Variants in MMP27 observed in about 807,000 individuals in gnomAD.
The protein encoded by MMP27 is matrix metallopeptidase 27, also known as matrix metalloproteinase-27.
A neutral mutation model predicts 48.1 loss-of-function variants in MMP27; 51 were observed. The ratio of observed to expected loss-of-function variants is 1.06; its 90% CI spans 0.85 to 1.34. MMP27 has a LOEUF of 1.34. Among genes scored for constraint, MMP27 ranks in the 40% most tolerant of loss-of-function variants. The probability of loss-of-function intolerance (pLI) is 0.00; values close to 1 mark genes in which losing one functional copy is unlikely to be tolerated. For synonymous variants in MMP27, 229 were observed against 208.9 expected, an observed-to-expected ratio of 1.10 and a Z score of -0.83; for missense variants, 698 against 619.3, an observed-to-expected ratio of 1.13 and a Z score of -1.35.
intron 9 of MMP27, among the ~76,000 whole-genome samples, chr11:102,692,537 C>T (rs1386764478): frequency 6.6e-6 from 1 of 152,160 alleles, no homozygotes; most frequent in Non-Finnish European, 1.5e-5. Context: ...TTTAAAACTG[C>T]AGATTCTTAG....
intron 9 of MMP27, 144 bp from the exon 10 acceptor site, chr11:102,692,154 T>C (rs1860738013): frequency 1.4e-6 from 1 of 702,416 alleles, no homozygotes; most frequent in Non-Finnish European, 2.1e-6. Flanking sequence ...AGTTTTCTAC[T>C]GTCATGTGGG....
chr11:102,693,768 G>A, intron 8 of MMP27, 138 bp downstream of exon 8: 1 of 677,340 alleles, frequency 1.5e-6, no homozygotes, highest in Non-Finnish European at 2.2e-6. Flanking sequence ...CTGGGAGACA[G>A]AGCAAGACTC....
intron 4 of MMP27, among the ~76,000 whole-genome samples, chr11:102,700,271 A>G (rs1860915290): frequency 6.6e-6 from 1 of 152,242 alleles, no homozygotes; most frequent in African/African-American, 2.4e-5. Context: ...GCTGTAGGTA[A>G]AAGATGACAA....
At chr11:102,692,695 T>C (rs1230050456) in intron 9 of MMP27, among the ~76,000 whole-genome samples, 1 of 152,198 alleles carries the variant, frequency 6.6e-6, no homozygotes, top group Non-Finnish European at 1.5e-5. Context: ...TCTTTACTTA[T>C]CAATGATGAG....
rs755773474 is a variant in MMP27 at position 102,703,083 on chromosome 11, G to T, written c.377C>A (p.Ala126Asp). 1.7e-5 allele frequency: 27 copies of T among 1,613,836 alleles called. 2 individuals carry two copies. In the Admixed American group the frequency reaches 4.3e-4, roughly 26 times the overall value. Residue 126 changes from alanine to aspartate, a missense_variant, in exon 3 of 10, where the codon GCT (alanine) becomes GAT (aspartate). Coordinates refer to ENST00000260229, the MANE Select transcript of MMP27 (RefSeq NM_022122.3). ...ACCTTCTTGGATAGCCTCATCCACA[G>T]CAGCTCGTGCCATATCCGGAGTATA... The part of the protein sequence containing the change: ...INYTPDMARA[A>D]VDEAIQEGLE...
intron 4 of MMP27, among the ~76,000 whole-genome samples, chr11:102,700,196 G>A (rs1488562526): frequency 1.3e-5 from 2 of 152,152 alleles, no homozygotes; most frequent in Non-Finnish European, 2.9e-5. Flanking sequence ...ATCATTGAGT[G>A]ACTTTATTTA....
rs138043626 is a variant in MMP27 at position 102,694,042 on chromosome 11, C to G, written c.1057G>C (p.Gly353Arg). ...GGATAATCTGGCAAGACAGCATATCCTCTGATCATCCAGAAGTTTTCATCT... is the reference window on the plus strand; with the variant it reads ...GGATAATCTGGCAAGACAGCATATCGTCTGATCATCCAGAAGTTTTCATCT... The part of the protein sequence containing the change: ...FKDENFWMIR[G>R]YAVLPDYPKS... The change falls in exon 8 of 10, where the codon GGA becomes CGA. Residue 353 changes from glycine to arginine, a missense_variant. Coordinates refer to ENST00000260229, the MANE Select transcript of MMP27 (RefSeq NM_022122.3). 1.9e-6 allele frequency: 3 copies of G among 1,593,078 alleles called. No individual in the cohort carries two copies. Among genetic ancestry groups the G allele is most frequent in the African/African-American group, 1.4e-5 (1 of 73,752 alleles).
At chr11:102,700,843 C>T (rs536832066) in intron 4 of MMP27, among the ~76,000 whole-genome samples, 29 of 152,348 alleles carry the variant, frequency 1.9e-4, no homozygotes, top group African/African-American at 6.5e-4. Flanking sequence ...CATCCCCATG[C>T]GATGACCTGT....
chr11:102,696,985 T>A (rs1477507164), intron 4 of MMP27, 150 bp from the exon 5 acceptor site: 1 of 775,536 alleles, frequency 1.3e-6, no homozygotes, highest in Non-Finnish European at 2.0e-6. Context: ...CTGGGAGGTA[T>A]TGCAATGCTA....
intron 4 of MMP27, among the ~76,000 whole-genome samples, chr11:102,699,167 T>C (rs920803759): frequency 2.0e-5 from 3 of 152,152 alleles, no homozygotes; most frequent in Non-Finnish European, 4.4e-5. Flanking sequence ...GCTCTAAGTA[T>C]AGAAGACCAC....
chr11:102,692,703 G>A (rs569264121), intron 9 of MMP27, among the ~76,000 whole-genome samples: 3 of 152,250 alleles, frequency 2.0e-5, no homozygotes, highest in African/African-American at 7.2e-5. Context: ...TATCAATGAT[G>A]AGTAAAATGG....
intron 6 of MMP27, 51 bp from the exon 7 acceptor site, chr11:102,695,148 G>C: frequency 6.3e-7 from 1 of 1,582,364 alleles, no homozygotes; most frequent in Non-Finnish European, 8.6e-7. Flanking sequence ...CCATGTCAAT[G>C]AGAATTTTGT....
intron 2 of MMP27, among the ~76,000 whole-genome samples, chr11:102,704,045 GC>G (rs1260383607): frequency 6.6e-6 from 1 of 152,138 alleles, no homozygotes; most frequent in African/African-American, 2.4e-5. Flanking sequence ...GAGTCAGCCT[GC>G]CCCCTTTTCC....
At position 102,704,569 on chromosome 11, in the gene MMP27, G is replaced by T. The variant is rs774887632; in HGVS notation, c.309C>A (p.Leu103=). Residue 103 remains leucine (L), a synonymous_variant, in exon 2 of 10, where the codon CTC becomes CTA. Coordinates refer to ENST00000260229, the MANE Select transcript of MMP27 (RefSeq NM_022122.3). ...TGAGGTTGTATTTTCTCCACCCAGG[G>T]AGGGTGTAGCCATACTGGCCCACAT... ...VPDVGQYGYT[L]PGWRKYNLTY... 1 of 1,613,876 alleles carries T rather than the reference G, an allele frequency of 6.2e-7. No homozygotes were observed. The highest frequency in any genetic ancestry group is 8.5e-7 in the Non-Finnish European group (1 of 1,179,882).
chr11:102,704,426 T>G (rs1291719447), intron 2 of MMP27, 111 bp downstream of exon 2: 13 of 816,314 alleles, frequency 1.6e-5, no homozygotes, highest in Admixed American at 1.1e-4. Context: ...GCCTAAGATG[T>G]GCTGTGCACA....
chr11:102,703,406 A>T (rs1464398472), intron 2 of MMP27, among the ~76,000 whole-genome samples: 2 of 152,248 alleles, frequency 1.3e-5, no homozygotes, highest in African/African-American at 4.8e-5. Flanking sequence ...GACAGCATTT[A>T]TCTCATGTAC....
In MMP27 at chr11:102,703,256, T is replaced by A. The variant is rs1360331596; in HGVS notation, c.342-138A>T. On this transcript the variant is annotated intron_variant, in intron 2 of 9. Coordinates refer to ENST00000260229, the MANE Select transcript of MMP27 (RefSeq NM_022122.3). ...GTGGTGCAATTATCTTACAGTTGCA[T>A]TAGCACTTTATTTAAATGAAATACT... 12 of 711,642 alleles carry A rather than the reference T, an allele frequency of 1.7e-5. No individual in the cohort carries two copies. In the East Asian group the frequency reaches 2.7e-4, roughly 16 times the overall value. The allele number at this position is 711,642 out of a possible 1,614,324, so 44.1% of individuals were successfully genotyped here.
At chr11:102,704,814 A>T (rs1402619702) in intron 1 of MMP27, 39 bp from the exon 2 acceptor site, 4 of 1,351,914 alleles carry the variant, frequency 3.0e-6, no homozygotes, top group Non-Finnish European at 4.1e-6. Context: ...AGAGGCACAG[A>T]CTACAGGAGA....
intron 7 of MMP27, 46 bp from the exon 8 acceptor site, chr11:102,694,111 G>T: frequency 1.4e-6 from 2 of 1,401,996 alleles, no homozygotes; most frequent in Non-Finnish European, 1.9e-6. Context: ...GGAGAAATAG[G>T]TATCTCAAGA....
Sources: allele counts gnomAD v4.1 joint callset (sites outside exome capture counted in the v4.1 genomes callset), GRCh38; gene constraint gnomAD v4.1.1; transcripts MANE v1.5; gene names NCBI Gene and HGNC (gene_info 2026-07-23, HGNC 2026-07-21).